TMEM268: variants seen among roughly 807,000 people sequenced by gnomAD.
The protein encoded by TMEM268 is transmembrane protein 268, also known as transmembrane protein C9orf91.
In TMEM268, 24 loss-of-function variants were observed where a neutral mutation model predicts 39.1. The ratio of observed to expected loss-of-function variants is 0.61; its 90% CI spans 0.44 to 0.86. The LOEUF is 0.86. Ranked by LOEUF, TMEM268 falls within the 40% of genes least tolerant of loss-of-function variation. The probability of loss-of-function intolerance (pLI) is 0.00; values close to 1 mark genes in which losing one functional copy is unlikely to be tolerated. For missense variants in TMEM268, 409 were observed against 428.6 expected (o/e 0.95, Z 0.40); for synonymous variants, 176 against 173.5 (o/e 1.01, Z -0.12).
At position 114,624,348 on chromosome 9, in the gene TMEM268, A is replaced by G. The variant is rs745847513; in HGVS notation, c.107-2A>G. The G allele has an allele frequency of 1.3e-6, 2 of 1,596,838 alleles. No homozygotes were observed. Among genetic ancestry groups the G allele is most frequent in the East Asian group, 4.5e-5 (2 of 44,502 alleles). ...CAGATGAAGCTTCTGGTCTGCTTCCAGAGCTCCACAATGGCCAGGTCCTCA... is the reference window on the plus strand; with the variant it reads ...CAGATGAAGCTTCTGGTCTGCTTCCGGAGCTCCACAATGGCCAGGTCCTCA... On this transcript the variant is annotated splice_acceptor_variant, in intron 2 of 8. Transcript: ENST00000288502. LOFTEE classifies it high-confidence loss of function.
At chr9:114,636,608 C>T (rs543160891) in intron 6 of TMEM268, among the ~76,000 whole-genome samples, 3 of 152,212 alleles carry the variant, frequency 2.0e-5, no homozygotes, top group African/African-American at 7.2e-5. Context: ...TCAAGTGATT[C>T]TTGTGCCTCA....
At chr9:114,611,899 T>C (rs1422453543) in intron 1 of TMEM268, among the ~76,000 whole-genome samples, 1 of 152,208 alleles carries the variant, frequency 6.6e-6, no homozygotes, top group Non-Finnish European at 1.5e-5. Flanking sequence ...ACGAGACAGC[T>C]GCCCAAGGCC....
At chr9:114,616,694 G>T (rs1487743684) in intron 1 of TMEM268, among the ~76,000 whole-genome samples, 1 of 151,106 alleles carries the variant, frequency 6.6e-6, no homozygotes. Flanking sequence ...TGTGTATTTT[G>T]CAGTGTCTTA....
intron 1 of TMEM268, among the ~76,000 whole-genome samples, chr9:114,613,496 A>G (rs543323738): frequency 4.4e-4 from 67 of 152,366 alleles, no homozygotes; most frequent in African/African-American, 1.4e-3. Flanking sequence ...GAGATGATCA[A>G]ATGAAGGAGG....
At chr9:114,642,146 T>C (rs558714246) in intron 8 of TMEM268, among the ~76,000 whole-genome samples, 27 of 152,206 alleles carry the variant, frequency 1.8e-4, no homozygotes, top group Non-Finnish European at 1.5e-5. Context: ...GTTTTCCTCT[T>C]CCCAAATTGA....
the TMEM268 span, among the ~76,000 whole-genome samples, chr9:114,603,978 G>T: frequency 4.6e-5 from 7 of 151,506 alleles, no homozygotes; most frequent in African/African-American, 1.7e-4. Context: ...CCAGCTAGTT[G>T]TAAGAACTTT....
chr9:114,619,129 T>C (rs1190278521), intron 2 of TMEM268, among the ~76,000 whole-genome samples: 3 of 152,342 alleles, frequency 2.0e-5, no homozygotes, highest in Admixed American at 2.0e-4. Flanking sequence ...TGTGTGTATA[T>C]ATGTAAGGAA....
intron 5 of TMEM268, among the ~76,000 whole-genome samples, chr9:114,632,257 G>A (rs1051258632): frequency 6.6e-6 from 1 of 152,128 alleles, no homozygotes; most frequent in Non-Finnish European, 1.5e-5. Context: ...CATGCAGAAT[G>A]GTTTCTAATA....
rs1827480847 is a variant in TMEM268, at chr9:114,644,255, G to C, written c.*942G>C. The C allele has an allele frequency of 6.6e-6, 1 of 152,324 alleles. No individual in the cohort carries two copies. Among genetic ancestry groups the C allele is most frequent in the Non-Finnish European group, 1.5e-5 (1 of 68,062 alleles). The allele number at this position is 152,324 out of a possible 1,614,324, so 9.4% of individuals were successfully genotyped here. ...AAGGATCCCCAGCCCCCAAGACCTA[G>C]CCTTTGTCTGCGATTTTGGCTTCAT... On this transcript the variant is annotated 3_prime_UTR_variant, in exon 9 of 9. Coordinates refer to ENST00000288502, the MANE Select transcript of TMEM268 (RefSeq NM_153045.4).
chr9:114,620,259 T>C lies in TMEM268; in HGVS notation c.106+2958T>C, dbSNP rs539437064. Among the ~76,000 whole-genome samples the C allele has an allele frequency of 2.0e-5, 3 of 152,124 alleles. No individual in the cohort carries two copies. In the East Asian group the frequency reaches 5.8e-4, roughly 29 times the overall value. On this transcript the variant is annotated intron_variant, in intron 2 of 8. Transcript: ENST00000288502. ...ATAGTTTTAGTTACTTACTTATTTT[T>C]TTTGAGACAGGATCTCACTCTGTTG...
chr9:114,641,139 G>A (rs1347925141), intron 8 of TMEM268, among the ~76,000 whole-genome samples: 3 of 152,122 alleles, frequency 2.0e-5, no homozygotes, highest in African/African-American at 7.2e-5. Flanking sequence ...GCCTCCCAAA[G>A]TGCTAGGATT....
At chr9:114,610,624 C>T (rs540500982), upstream of TMEM268, among the ~76,000 whole-genome samples, 98 of 152,286 alleles carry the variant, frequency 6.4e-4, no homozygotes, top group Non-Finnish European at 1.0e-3. Context: ...TTACTTTTAA[C>T]CGTAGACCCT....
At chr9:114,633,114 C>T (rs1031724586) in intron 5 of TMEM268, among the ~76,000 whole-genome samples, 1 of 151,976 alleles carries the variant, frequency 6.6e-6, no homozygotes, top group African/African-American at 2.4e-5. Flanking sequence ...TCTCGCCTCA[C>T]CCTCCCAAGT....
chr9:114,627,958 A>G, intron 4 of TMEM268, 143 bp from the exon 5 acceptor site: 1 of 817,508 alleles, frequency 1.2e-6, no homozygotes, highest in Non-Finnish European at 2.0e-6. Flanking sequence ...GATCCAGGTG[A>G]CTGCATCAAT....
chr9:114,625,598 C>A (rs1393975145), intron 3 of TMEM268, among the ~76,000 whole-genome samples: 1 of 151,750 alleles, frequency 6.6e-6, no homozygotes, highest in South Asian at 2.1e-4. Context: ...GCATGCACCA[C>A]GGCTGGCTAA....
chr9:114,625,357 A>G (rs562909272), intron 3 of TMEM268, among the ~76,000 whole-genome samples: 1 of 152,226 alleles, frequency 6.6e-6, no homozygotes, highest in South Asian at 2.1e-4. Context: ...GTGCTAGCCA[A>G]GGCCAAGGAG....
rs767647663 is a variant in TMEM268, at chr9:114,638,583, A to G, written c.706A>G (p.Met236Val). 4 of 1,602,416 alleles carry G rather than the reference A, an allele frequency of 2.5e-6. No homozygotes were observed. Among genetic ancestry groups the G allele is most frequent in the South Asian group, 1.1e-5 (1 of 89,072 alleles). Residue 236 changes from methionine (M) to valine (V), a missense_variant, in exon 8 of 9, where the codon ATG becomes GTG. By Grantham distance (21) the Met-to-Val change is conservative. Transcript: ENST00000288502. ...CAGATTGAGCCAGTTGTGTGTTGTC[A>G]TGGAGACTGGGGTGAGCCCTGCAAC... ...RSRLSQLCVV[M>V]ETGVSPATAE... is the part of the protein sequence containing the mutation.
chr9:114,610,574 G>T (rs1050200206), upstream of TMEM268, among the ~76,000 whole-genome samples: 1 of 152,142 alleles, frequency 6.6e-6, no homozygotes, highest in Non-Finnish European at 1.5e-5. Flanking sequence ...AAAATACAAG[G>T]AAAGCACAAG....
At chr9:114,632,681 C>A (rs1846451893) in intron 5 of TMEM268, among the ~76,000 whole-genome samples, 2 of 152,200 alleles carry the variant, frequency 1.3e-5, no homozygotes, top group African/African-American at 4.8e-5. Context: ...GCTTCACTTA[C>A]ACAACAGATT....
Sources: gnomAD v4.1 joint callset for allele counts (sites outside exome capture counted in the v4.1 genomes callset) on GRCh38, gnomAD v4.1.1 for gene constraint, MANE v1.5 for transcripts, NCBI Gene and HGNC (gene_info 2026-07-23, HGNC 2026-07-21) for gene names.